Variants in SMG6 observed in about 807,000 individuals in gnomAD.
SMG6 encodes SMG6 nonsense mediated mRNA decay factor.
In SMG6, 66 loss-of-function variants were observed where a neutral mutation model predicts 142.2. The ratio of observed to expected loss-of-function variants is 0.46; its 90% confidence interval spans 0.38 to 0.57. The LOEUF is 0.57. SMG6 is among the 20% of genes least tolerant of loss of function. The pLI, the probability that SMG6 is intolerant of heterozygous loss-of-function variation, is 0.00. For synonymous variants in SMG6, 779 were observed against 702.4 expected (o/e 1.11, Z -1.72); for missense variants, 1,793 against 1,832.0 (o/e 0.98, Z 0.39).
At chr17:2,165,385 T>C (rs546014249) in intron 13 of SMG6, among the ~76,000 whole-genome samples, 87 of 152,354 alleles carry the variant, frequency 5.7e-4, no homozygotes, top group Non-Finnish European at 8.5e-4. Context: ...TTTATTGACA[T>C]TGCACACCAC....
intron 8 of SMG6, among the ~76,000 whole-genome samples, chr17:2,256,689 T>A (rs2074188162): frequency 6.6e-6 from 1 of 152,150 alleles, no homozygotes; most frequent in Non-Finnish European, 1.5e-5. Context: ...GTGGGAGAAC[T>A]GCTGGAGCCT....
intron 6 of SMG6, among the ~76,000 whole-genome samples, chr17:2,287,562 T>C (rs2074934539): frequency 6.6e-6 from 1 of 152,208 alleles, no homozygotes; most frequent in Non-Finnish European, 1.5e-5. Context: ...CCAGAAGAAT[T>C]GGAAGCAGGG....
chr17:2,155,011 A>C (rs2070956577), intron 13 of SMG6, among the ~76,000 whole-genome samples: 1 of 152,052 alleles, frequency 6.6e-6, no homozygotes, highest in African/African-American at 2.4e-5. Flanking sequence ...GCAACAAAAC[A>C]AGATGTTGTC....
chr17:2,158,106 A>C (rs1408717145), intron 13 of SMG6, among the ~76,000 whole-genome samples: 1 of 152,220 alleles, frequency 6.6e-6, no homozygotes, highest in Non-Finnish European at 1.5e-5. Flanking sequence ...GGCATGTGAG[A>C]AATAAAAAGG....
intron 13 of SMG6, among the ~76,000 whole-genome samples, chr17:2,131,049 C>T (rs1021640671): frequency 3.9e-5 from 6 of 152,084 alleles, no homozygotes; most frequent in African/African-American, 1.4e-4. Flanking sequence ...ATAAAAGTAA[C>T]CCTTTTACCC....
intron 10 of SMG6, among the ~76,000 whole-genome samples, chr17:2,203,986 T>C (rs1203774465): frequency 1.3e-5 from 2 of 152,080 alleles, no homozygotes; most frequent in Non-Finnish European, 2.9e-5. Context: ...TTTTAAGAGA[T>C]GGGGTCTTGC....
chr17:2,285,995 G>C (rs1415839509), intron 6 of SMG6, among the ~76,000 whole-genome samples: 1 of 151,858 alleles, frequency 6.6e-6, no homozygotes, highest in Non-Finnish European at 1.5e-5. Context: ...TAAAAAAATA[G>C]AGAGAAAGAC....
chr17:2,090,940 C>T (rs577725277), intron 13 of SMG6, among the ~76,000 whole-genome samples: 54 of 152,328 alleles, frequency 3.5e-4, no homozygotes, highest in African/African-American at 1.2e-3. Flanking sequence ...GCCTACAAAT[C>T]CAACACCAAG....
intron 13 of SMG6, among the ~76,000 whole-genome samples, chr17:2,112,348 CAAA>C (rs1008913157): frequency 6.8e-6 from 1 of 146,640 alleles, no homozygotes; most frequent in Admixed American, 6.8e-5. Flanking sequence ...ACTAAAAATA[CAAA>C]AAAAAAATTA....
chr17:2,242,689 TAAAAAAA>T (rs57079220), intron 9 of SMG6, among the ~76,000 whole-genome samples: 11 of 55,854 alleles, frequency 2.0e-4, no homozygotes, highest in South Asian at 1.7e-3. Context: ...TCCATCTCTT[TAAAAAAA>T]AAAAAAAAAA....
intron 9 of SMG6, among the ~76,000 whole-genome samples, chr17:2,238,716 C>T (rs1310086232): frequency 6.6e-6 from 1 of 152,172 alleles, no homozygotes; most frequent in Non-Finnish European, 1.5e-5. Flanking sequence ...GAAGCCTCTT[C>T]CCTGGAGTAG....
intron 10 of SMG6, among the ~76,000 whole-genome samples, chr17:2,231,214 G>A (rs376219104): frequency 6.6e-6 from 1 of 152,052 alleles, no homozygotes; most frequent in Non-Finnish European, 1.5e-5. Flanking sequence ...AGGACACTTC[G>A]GTTGCGAACC....
At chr17:2,279,516 G>C (rs2074736133) in intron 8 of SMG6, among the ~76,000 whole-genome samples, 1 of 152,154 alleles carries the variant, frequency 6.6e-6, no homozygotes, top group South Asian at 2.1e-4. Flanking sequence ...TAAAATGAAA[G>C]GCCAGAAGAG....
In SMG6 at chr17:2,060,439, G is replaced by A. The variant is rs1721590347; in HGVS notation, c.*1053C>T. 1 of 152,334 alleles carries A rather than the reference G, an allele frequency of 6.6e-6. No homozygotes were observed. Among genetic ancestry groups the A allele is most frequent in the South Asian group, 2.1e-4 (1 of 4,832 alleles). The allele number at this position is 152,334 out of a possible 1,614,324, so 9.4% of individuals were successfully genotyped here. A position where few individuals can be genotyped will look rare whatever the true frequency, so the allele number is the denominator to read the frequency against. On this transcript the variant is annotated 3_prime_UTR_variant, in exon 19 of 19. Coordinates refer to ENST00000263073, the MANE Select transcript of SMG6 (RefSeq NM_017575.5). ...TGTCCACGCCTGGAAGTTTCTCCCA[G>A]CACAGGAGCCGAGGGTGGAAGGCCC...
At chr17:2,155,681 C>T (rs1342428083) in intron 13 of SMG6, among the ~76,000 whole-genome samples, 1 of 152,212 alleles carries the variant, frequency 6.6e-6, no homozygotes, top group African/African-American at 2.4e-5. Flanking sequence ...GTCCTTCTAG[C>T]ACTTTTTGGG....
At chr17:2,138,688 A>T (rs1392182207) in intron 13 of SMG6, among the ~76,000 whole-genome samples, 2 of 152,226 alleles carry the variant, frequency 1.3e-5, no homozygotes, top group Non-Finnish European at 2.9e-5. Flanking sequence ...CAGCAAGGTC[A>T]GCAGGACTTT....
At chr17:2,265,856 A>G (rs969539602) in intron 8 of SMG6, 11 of 296,362 alleles carry the variant, frequency 3.7e-5, no homozygotes, top group Non-Finnish European at 1.0e-5. Flanking sequence ...GTGATGGAGT[A>G]TGCTATAAAC....
chr17:2,130,189 A>G (rs966345151), intron 13 of SMG6, among the ~76,000 whole-genome samples: 7 of 143,054 alleles, frequency 4.9e-5, no homozygotes, highest in African/African-American at 7.8e-5. Context: ...GAACCCGGGA[A>G]GCGGAGCTTG....
chr17:2,133,100 C>G (rs2070178004), intron 13 of SMG6, among the ~76,000 whole-genome samples: 1 of 152,056 alleles, frequency 6.6e-6, no homozygotes, highest in Non-Finnish European at 1.5e-5. Context: ...CAAAAATTAG[C>G]TGGACGTGGT....
Sources: allele counts gnomAD v4.1 joint callset (sites outside exome capture counted in the v4.1 genomes callset), GRCh38; gene constraint gnomAD v4.1.1; transcripts MANE v1.5; gene names NCBI Gene and HGNC (gene_info 2026-07-23, HGNC 2026-07-21).